Variants in BAZ1A observed in about 807,000 individuals in gnomAD.
BAZ1A encodes bromodomain adjacent to zinc finger domain 1A, also known as bromodomain adjacent to zinc finger domain protein 1A.
A neutral mutation model predicts 185.2 loss-of-function variants in BAZ1A; 50 were observed. The observed-to-expected ratio is 0.27, with a 90% CI of 0.22 to 0.34. The LOEUF (loss-of-function observed/expected upper bound fraction) is 0.34. Among genes scored for constraint, BAZ1A ranks in the 10% least tolerant of loss-of-function variants. The pLI, the probability that BAZ1A is intolerant of heterozygous loss-of-function variation, is 1.00. For missense variants in BAZ1A, 1,356 were observed against 1,839.9 expected (o/e 0.74, Z 4.81); for synonymous variants, 571 against 615.6 (o/e 0.93, Z 1.07).
intron 25 of BAZ1A, chr14:34,758,450 T>G (rs189607547): frequency 5.0e-5 from 17 of 337,948 alleles, no homozygotes; most frequent in Admixed American, 4.1e-4. Flanking sequence ...TGTGGTGGTG[T>G]GTGCCTGTAA....
At chr14:34,863,690 G>T (rs2042808684) in intron 2 of BAZ1A, among the ~76,000 whole-genome samples, 1 of 152,040 alleles carries the variant, frequency 6.6e-6, no homozygotes, top group Middle Eastern at 3.4e-3. Flanking sequence ...ATGAATCAAT[G>T]AATACACAAT....
At chr14:34,764,289 CTTTTTTTT>C (rs34861206) in intron 23 of BAZ1A, among the ~76,000 whole-genome samples, 7 of 111,862 alleles carry the variant, frequency 6.3e-5, no homozygotes, top group Non-Finnish European at 1.1e-4. Context: ...TTTTTCTTTT[CTTTTTTTT>C]TTTTTTTTTT....
intron 17 of BAZ1A, among the ~76,000 whole-genome samples, chr14:34,778,694 C>A (rs935651217): frequency 6.6e-6 from 1 of 152,100 alleles, no homozygotes; most frequent in Non-Finnish European, 1.5e-5. Flanking sequence ...GTGTATATCT[C>A]ATCTTTAAAT....
intron 2 of BAZ1A, among the ~76,000 whole-genome samples, chr14:34,872,941 A>AAACAAAAAAAAAAAACAAC: frequency 8.2e-6 from 1 of 122,620 alleles, no homozygotes; most frequent in Non-Finnish European, 1.7e-5. Flanking sequence ...AAAAAAAAAA[A>AAACAAAAAAAAAAAACAAC]CTTGTCCAAT....
intron 3 of BAZ1A, among the ~76,000 whole-genome samples, chr14:34,830,164 C>T (rs2042220260): frequency 6.6e-6 from 1 of 152,088 alleles, no homozygotes; most frequent in African/African-American, 2.4e-5. Context: ...AGACATAAAA[C>T]ATATGTCCAC....
chr14:34,790,263 G>A (rs1247994878), intron 12 of BAZ1A, among the ~76,000 whole-genome samples: 1 of 151,796 alleles, frequency 6.6e-6, no homozygotes, highest in Middle Eastern at 3.2e-3. Flanking sequence ...CAAACTCCCA[G>A]GGTCAAACAA....
intron 3 of BAZ1A, among the ~76,000 whole-genome samples, chr14:34,841,472 A>T (rs984433836): frequency 2.6e-5 from 4 of 152,010 alleles, no homozygotes; most frequent in Non-Finnish European, 2.9e-5. Flanking sequence ...CTCACTTGCA[A>T]CCTCCGCCTC....
At chr14:34,850,244 G>A (rs534108321) in intron 3 of BAZ1A, among the ~76,000 whole-genome samples, 2 of 152,294 alleles carry the variant, frequency 1.3e-5, no homozygotes, top group South Asian at 4.1e-4. Context: ...CAGGTGTGGT[G>A]GAATGGGCCT....
At chr14:34,870,124 G>A (rs1462190677) in intron 2 of BAZ1A, among the ~76,000 whole-genome samples, 1 of 152,202 alleles carries the variant, frequency 6.6e-6, no homozygotes, top group Non-Finnish European at 1.5e-5. Flanking sequence ...TTTGGGGTAG[G>A]TTGTTACTAC....
At chr14:34,865,357 T>A (rs1767953356) in intron 2 of BAZ1A, among the ~76,000 whole-genome samples, 1 of 152,240 alleles carries the variant, frequency 6.6e-6, no homozygotes, top group South Asian at 2.1e-4. Flanking sequence ...TACACTTTGT[T>A]CTACTTTTCT....
chr14:34,782,862 C>T (rs1245486449), intron 16 of BAZ1A, among the ~76,000 whole-genome samples: 1 of 152,144 alleles, frequency 6.6e-6, no homozygotes, highest in Non-Finnish European at 1.5e-5. Context: ...CAAAAAACAT[C>T]CAATCTCAAC....
Position 34,874,584 on chromosome 14 carries a change from C to T in BAZ1A, c.21G>A (p.Lys7=). The T allele has an allele frequency of 2.5e-6, 4 of 1,610,432 alleles. No homozygotes were observed. The highest frequency in any genetic ancestry group is 3.4e-6 in the Non-Finnish European group (4 of 1,178,508). The change falls in exon 2 of 27, where the codon AAG becomes AAA. Residue 7 remains lysine (K), a synonymous_variant. Coordinates refer to ENST00000360310, the MANE Select transcript of BAZ1A (RefSeq NM_013448.3). This position sits in a 1 kb window ranked among gnomAD's most constrained non-coding sequence, Gnocchi z 4.7. ...CGGGCGGCTTCTGTCTCACAAACGG[C>T]TTTCGGTGTAGCAGCGGCATCTCCC... MPLLHR[K]PFVRQKPPAD...
chr14:34,854,732 CAT>C (rs558122803), intron 3 of BAZ1A, among the ~76,000 whole-genome samples: 158 of 152,320 alleles, frequency 1.0e-3, no homozygotes, highest in African/African-American at 3.6e-3. Flanking sequence ...ACCTCCCTCC[CAT>C]AAAACTTTTC....
intron 12 of BAZ1A, among the ~76,000 whole-genome samples, chr14:34,792,550 G>A (rs1307552667): frequency 1.3e-5 from 2 of 152,088 alleles, no homozygotes; most frequent in African/African-American, 4.8e-5. Context: ...ATAAAAGCAA[G>A]ATAGACTGAG....
chr14:34,870,539 G>C (rs761140823), intron 2 of BAZ1A, among the ~76,000 whole-genome samples: 21 of 152,170 alleles, frequency 1.4e-4, no homozygotes, highest in Non-Finnish European at 1.5e-4. Context: ...TGAATACCTA[G>C]AGCTTAATCA....
intron 12 of BAZ1A, among the ~76,000 whole-genome samples, chr14:34,789,975 AAAT>A (rs1435807173): frequency 6.6e-6 from 1 of 152,186 alleles, no homozygotes; most frequent in African/African-American, 2.4e-5. Flanking sequence ...AAAATGCAGA[AAAT>A]AATATCTACC....
Position 34,800,332 on chromosome 14 carries a change from T to C in BAZ1A, c.1020A>G (p.Lys340=), listed in dbSNP as rs1255889279. The change falls in exon 9 of 27, where the codon AAA becomes AAG. Residue 340 remains lysine, a synonymous_variant. Coordinates refer to ENST00000360310, the MANE Select transcript of BAZ1A (RefSeq NM_013448.3). The stretch of plus-strand genomic sequence containing the variant: ...TCTTTTTCTCTTTATCTTCTTTTTC[T>C]TTTTTCTTCGCTTCTAGGGCATCTG... The part of the protein sequence containing the change: ...EKADALEAKK[K]EKEDKEKKRE... 9.0e-6 allele frequency: 14 copies of C among 1,547,122 alleles called. No homozygotes were observed. Among genetic ancestry groups the C allele is most frequent in the Non-Finnish European group, 1.2e-5 (14 of 1,144,882 alleles).
intron 7 of BAZ1A, 135 bp from the exon 8 acceptor site, chr14:34,801,328 A>AT (rs1881538200): frequency 3.1e-6 from 2 of 648,302 alleles, no homozygotes; most frequent in African/African-American, 3.8e-5. Flanking sequence ...GTCTCGCTCT[A>AT]TCCCCCAGGC....
intron 4 of BAZ1A, among the ~76,000 whole-genome samples, chr14:34,822,749 T>G (rs2042106843): frequency 6.6e-6 from 1 of 152,242 alleles, no homozygotes; most frequent in Admixed American, 6.5e-5. Context: ...TGATTGCTCC[T>G]ATGGGCAAAT....
Sources: gnomAD v4.1 joint callset for allele counts (sites outside exome capture counted in the v4.1 genomes callset) on GRCh38, gnomAD v4.1.1 for gene constraint, Gnocchi (gnomAD v3.1) non-coding constraint, MANE v1.5 for transcripts, NCBI Gene and HGNC (gene_info 2026-07-23, HGNC 2026-07-21) for gene names.